The following SLC26A11 variants were observed in gnomAD, a reference collection of about 807,000 sequenced individuals.
SLC26A11 encodes solute carrier family 26 member 11.
Under a neutral mutation model 62.2 loss-of-function variants are expected in SLC26A11, and 58 were observed. The ratio of observed to expected loss-of-function variants is 0.93; its 90% CI spans 0.76 to 1.16. The LOEUF is 1.16. Ranked by LOEUF, SLC26A11 falls within the 50% of genes most tolerant of loss-of-function variation. The probability of loss-of-function intolerance (pLI) is 0.00; values close to 1 mark genes in which losing one functional copy is unlikely to be tolerated. For synonymous variants in SLC26A11, 411 were observed against 368.9 expected, an observed-to-expected ratio of 1.11 and a Z score of -1.31; for missense variants, 790 against 794.3, an observed-to-expected ratio of 0.99 and a Z score of 0.06.
In SLC26A11 at chr17:80,228,943, T is replaced by C. The variant is rs1194970832; in HGVS notation, c.736+983T>C. The stretch of plus-strand genomic sequence containing the variant: ...AGGTGAAGGACCACCCTGGGGGAGG[T>C]GGAAGCCTCTTCTCAGTGCATCCGG... On this transcript the variant is annotated intron_variant, in intron 7 of 17. Coordinates refer to ENST00000361193, the MANE Select transcript of SLC26A11 (RefSeq NM_001166347.2). This position sits in a 1 kb window ranked among gnomAD's most constrained non-coding sequence, Gnocchi z 4.1. Among the ~76,000 whole-genome samples the C allele has an allele frequency of 6.6e-6, 1 of 151,664 alleles. No homozygotes were observed. Among genetic ancestry groups the C allele is most frequent in the Non-Finnish European group, 1.5e-5 (1 of 67,912 alleles).
chr17:80,245,058 A>T, intron 10 of SLC26A11, 138 bp from the exon 11 acceptor site: 1 of 662,084 alleles, frequency 1.5e-6, no homozygotes, highest in Non-Finnish European at 2.7e-6. Flanking sequence ...AGGAGTGCGT[A>T]GGCCCAGGCC....
chr17:80,252,549 T>G lies in SLC26A11; in HGVS notation c.1730-76T>G. ...TTCCAGGACTCTGGAAGGCCCTCCT[T>G]AATCCCTTCCTGTGAACTGACCCAT... is the stretch of plus-strand genomic sequence containing the variant. On this transcript the variant is annotated intron_variant, in intron 17 of 17. Coordinates refer to ENST00000361193, the MANE Select transcript of SLC26A11 (RefSeq NM_001166347.2). The surrounding 1 kb of genome is among the most constrained non-coding windows in gnomAD (Gnocchi z 5.2). 1 of 1,421,616 alleles carries G rather than the reference T, an allele frequency of 7.0e-7. No homozygotes were observed. 88.1% of individuals were successfully genotyped at this position (1,421,616 alleles called of 1,614,324 possible).
At chr17:80,245,143 C>T in intron 10 of SLC26A11, 53 bp from the exon 11 acceptor site, 1 of 1,562,132 alleles carries the variant, frequency 6.4e-7, no homozygotes, top group Non-Finnish European at 8.8e-7. Context: ...TCTCCTTTCC[C>T]TCCATCCTGT....
At position 80,246,466 on chromosome 17, in the gene SLC26A11, G is replaced by C. The variant is rs533665848; in HGVS notation, c.1154-43G>C. Reference sequence around the variant, plus strand: ...AGGCTGCTACGCTGCGTGCTGGGGGGACCCTGCACTCCCGAGGTCACCTGT... The same window carrying C: ...AGGCTGCTACGCTGCGTGCTGGGGGCACCCTGCACTCCCGAGGTCACCTGT... On this transcript the variant is annotated intron_variant, in intron 12 of 17. Coordinates refer to ENST00000361193, the MANE Select transcript of SLC26A11 (RefSeq NM_001166347.2). The surrounding 1 kb of genome is among the most constrained non-coding windows in gnomAD (Gnocchi z 4.4). 1.2e-6 allele frequency: 2 copies of C among 1,602,570 alleles called. No individual in the cohort carries two copies. The highest frequency in any genetic ancestry group is 1.3e-5 in the African/African-American group (1 of 74,906).
chr17:80,222,703 G>T lies in SLC26A11; in HGVS notation c.283G>T (p.Gly95Cys). ...FMGCFVYFFL[G>C]TSRDVTLGPT... ...GGGCTGCTTCGTGTATTTCTTCCTGGGCACCTCCCGGGATGTGACTCTGGG... is the reference window on the plus strand; with the variant it reads ...GGGCTGCTTCGTGTATTTCTTCCTGTGCACCTCCCGGGATGTGACTCTGGG... Residue 95 changes from glycine (G) to cysteine (C), a missense_variant, in exon 4 of 18, where the codon GGC becomes TGC. Coordinates refer to ENST00000361193, the MANE Select transcript of SLC26A11 (RefSeq NM_001166347.2). The surrounding 1 kb of genome is among the most constrained non-coding windows in gnomAD (Gnocchi z 4.7). The T allele has an allele frequency of 6.2e-7, 1 of 1,613,970 alleles. No individual in the cohort carries two copies. Among genetic ancestry groups the T allele is most frequent in the Non-Finnish European group, 8.5e-7 (1 of 1,180,012 alleles).
chr17:80,247,516 A>G (rs1248799345), intron 13 of SLC26A11, among the ~76,000 whole-genome samples: 1 of 152,194 alleles, frequency 6.6e-6, no homozygotes, highest in Non-Finnish European at 1.5e-5. Flanking sequence ...GGGTTCACCT[A>G]GCTTACTTGG....
In SLC26A11 at chr17:80,223,439, T is replaced by C. The variant is rs1018450295; in HGVS notation, c.513+102T>C. On this transcript the variant is annotated intron_variant, in intron 5 of 17. Transcript: ENST00000361193. The surrounding 1 kb of genome is among the most constrained non-coding windows in gnomAD (Gnocchi z 4.6). ...GGCCAGTCCTGATCCCTGTGGCCAG[T>C]GGACGTCTTGCTGTTTCAGATTGTC... The C allele has an allele frequency of 4.7e-6, 5 of 1,071,096 alleles. No homozygotes were observed. In the Admixed American group the frequency reaches 7.8e-5, roughly 17 times the overall value. The allele number at this position is 1,071,096 out of a possible 1,614,324, so 66.3% of individuals were successfully genotyped here. A position where few individuals can be genotyped will look rare whatever the true frequency, so the allele number is the denominator to read the frequency against.
intron 7 of SLC26A11, among the ~76,000 whole-genome samples, chr17:80,232,174 A>G (rs1160333056): frequency 2.0e-5 from 3 of 151,996 alleles, no homozygotes; most frequent in South Asian, 2.1e-4. Context: ...TTTCTGGGCA[A>G]TATTCTCTTC....
intron 6 of SLC26A11, among the ~76,000 whole-genome samples, chr17:80,226,392 C>T (rs1417870360): frequency 2.6e-5 from 4 of 152,046 alleles, no homozygotes; most frequent in Non-Finnish European, 5.9e-5. Flanking sequence ...CAAGCACTTC[C>T]CTCAGGTGGT....
chr17:80,229,305 G>A (rs2042497512), intron 7 of SLC26A11, among the ~76,000 whole-genome samples: 1 of 152,254 alleles, frequency 6.6e-6, no homozygotes, highest in East Asian at 1.9e-4. Flanking sequence ...GTTTAGAGTG[G>A]AGATGTCCAG....
chr17:80,223,470 T>C lies in SLC26A11; in HGVS notation c.513+133T>C. Reference sequence around the variant, plus strand: ...TCTTGCTGTTTCAGATTGTCTTCCATGGGTCAAGAAGCACGCGGTGCTCTC... The same window carrying C: ...TCTTGCTGTTTCAGATTGTCTTCCACGGGTCAAGAAGCACGCGGTGCTCTC... On this transcript the variant is annotated intron_variant, in intron 5 of 17. Transcript: ENST00000361193. The surrounding 1 kb of genome is among the most constrained non-coding windows in gnomAD (Gnocchi z 4.6). 1 of 840,488 alleles carries C rather than the reference T, an allele frequency of 1.2e-6. No individual in the cohort carries two copies. Among genetic ancestry groups the C allele is most frequent in the East Asian group, 2.7e-5 (1 of 37,236 alleles). The allele number at this position is 840,488 out of a possible 1,614,324, so 52.1% of individuals were successfully genotyped here. A position where few individuals can be genotyped will look rare whatever the true frequency, so the allele number is the denominator to read the frequency against.
rs752202065 is a variant in SLC26A11, at chr17:80,248,179, G to T, written c.1344G>T (p.Glu448Asp). 1 of 1,608,282 alleles carries T rather than the reference G, an allele frequency of 6.2e-7. No individual in the cohort carries two copies. The highest frequency in any genetic ancestry group is 8.5e-7 in the Non-Finnish European group (1 of 1,179,840). The change falls in exon 14 of 18, where the codon GAG becomes GAT. Residue 448 changes from glutamate (E) to aspartate (D), a missense_variant. By Grantham distance (45) the Glu-to-Asp change is conservative. Coordinates refer to ENST00000361193, the MANE Select transcript of SLC26A11 (RefSeq NM_001166347.2). ...TGACCTTCCTGCTGTGCTTCTGGGA[G>T]GTGCAGTACGGCATCCTGGCCGGGG... is the stretch of plus-strand genomic sequence containing the variant. ...LCVTFLLCFWEVQYGILAGAL... is the reference protein window; with the variant it reads ...LCVTFLLCFWDVQYGILAGAL...
Position 80,221,766 on chromosome 17 carries a change from A to T in SLC26A11, c.206A>T (p.Tyr69Phe). The change falls in exon 3 of 18, where the codon TAT becomes TTT. Residue 69 changes from tyrosine to phenylalanine, a missense_variant. Tyr to Phe is a conservative substitution (Grantham distance 22). Coordinates refer to ENST00000361193, the MANE Select transcript of SLC26A11 (RefSeq NM_001166347.2). Reference sequence around the variant, plus strand: ...ACTGCCATTCCCCAGGCGCTGGCCTATGCTGAAGTGGCTGGACTCCCGCCC... The same window carrying T: ...ACTGCCATTCCCCAGGCGCTGGCCTTTGCTGAAGTGGCTGGACTCCCGCCC... ...GLTAIPQALA[Y>F]AEVAGLPPQY... The T allele has an allele frequency of 6.2e-7, 1 of 1,612,794 alleles. No individual in the cohort carries two copies. The highest frequency in any genetic ancestry group is 8.5e-7 in the Non-Finnish European group (1 of 1,179,980).
intron 10 of SLC26A11, among the ~76,000 whole-genome samples, chr17:80,243,636 A>C (rs2042920232): frequency 6.6e-6 from 1 of 152,160 alleles, no homozygotes. Context: ...ACCTCTGGTG[A>C]TCCGCCCGCG....
chr17:80,230,505 G>C (rs2042534809), intron 7 of SLC26A11, among the ~76,000 whole-genome samples: 1 of 152,116 alleles, frequency 6.6e-6, no homozygotes. Context: ...ACCAGCTTAG[G>C]ACTTGCAGTT....
intron 7 of SLC26A11, among the ~76,000 whole-genome samples, chr17:80,235,645 T>C (rs1319317189): frequency 6.6e-6 from 1 of 152,276 alleles, no homozygotes; most frequent in Non-Finnish European, 1.5e-5. Flanking sequence ...CATGGGCCAC[T>C]GCACCCAGCC....
At chr17:80,233,209 C>G (rs760698501) in intron 7 of SLC26A11, among the ~76,000 whole-genome samples, 36 of 151,718 alleles carry the variant, frequency 2.4e-4, no homozygotes, top group Middle Eastern at 3.4e-3. Flanking sequence ...AGATCCGTCA[C>G]TGAAGCTGCA....
chr17:80,241,319 G>A (rs1196381428), intron 9 of SLC26A11, among the ~76,000 whole-genome samples: 1 of 152,174 alleles, frequency 6.6e-6, no homozygotes, highest in African/African-American at 2.4e-5. Flanking sequence ...GAGTGCGGTG[G>A]CACGATCTCA....
At chr17:80,240,328 C>T (rs1219246070) in intron 9 of SLC26A11, among the ~76,000 whole-genome samples, 17 of 151,850 alleles carry the variant, frequency 1.1e-4, no homozygotes, top group Admixed American at 1.1e-3. Context: ...GATCGCGCCA[C>T]TGTACTCCAG....
Sources: gnomAD v4.1 joint callset for allele counts (sites outside exome capture counted in the v4.1 genomes callset) on GRCh38, gnomAD v4.1.1 for gene constraint, Gnocchi (gnomAD v3.1) non-coding constraint, MANE v1.5 for transcripts, NCBI Gene and HGNC (gene_info 2026-07-23, HGNC 2026-07-21) for gene names.